The following TMEM225B variants were observed in gnomAD, a reference collection of about 807,000 sequenced individuals.
TMEM225B encodes the protein transmembrane protein 225-like.
A neutral mutation model predicts 16.9 loss-of-function variants in TMEM225B; 10 were observed. The observed-to-expected ratio is 0.59, with a 90% confidence interval of 0.36 to 1.00. TMEM225B has a LOEUF of 1.00. Among genes scored for constraint, TMEM225B ranks in the 50% least tolerant of loss-of-function variants. TMEM225B has a pLI of 0.01. For missense variants in TMEM225B, 217 were observed against 267.0 expected, an observed-to-expected ratio of 0.81 and a Z score of 1.30; for synonymous variants, 92 against 109.8, an observed-to-expected ratio of 0.84 and a Z score of 1.01.
chr7:99,609,776 C>T (rs2048041042), intron 5 of TMEM225B, among the ~76,000 whole-genome samples: 1 of 152,106 alleles, frequency 6.6e-6, no homozygotes, highest in South Asian at 2.1e-4. Flanking sequence ...GCTCTGTCGC[C>T]CAGGCTGGAG....
At chr7:99,606,644 G>A in intron 3 of TMEM225B, 104 bp from the exon 4 acceptor site, 1 of 1,040,298 alleles carries the variant, frequency 9.6e-7, no homozygotes, top group Non-Finnish European at 1.4e-6. Flanking sequence ...TGGGATCTAA[G>A]GGTGGTGGAG....
At chr7:99,603,324 C>G (rs1805511581) in intron 2 of TMEM225B, among the ~76,000 whole-genome samples, 2 of 152,126 alleles carry the variant, frequency 1.3e-5, no homozygotes, top group African/African-American at 4.8e-5. Context: ...GTCTGAAATC[C>G]CAAAAGGAAG....
Position 99,610,974 on chromosome 7 carries a change from CA to C in TMEM225B, c.*410del, listed in dbSNP as rs1402024035. Among the ~76,000 whole-genome samples, 2 of 152,160 alleles carry C rather than the reference CA, an allele frequency of 1.3e-5. No individual in the cohort carries two copies. The highest frequency in any genetic ancestry group is 2.4e-5 in the African/African-American group (1 of 41,502). On this transcript the variant is annotated 3_prime_UTR_variant, in exon 6 of 6. Transcript: ENST00000431679. ...ATGACAACTATTTGGGCTGGTGGCA[CA>C]GGGGTAAAAGAATTTACCAAGACGG...
chr7:99,609,230 TAG>T (rs1806128673), intron 5 of TMEM225B, among the ~76,000 whole-genome samples: 1 of 152,244 alleles, frequency 6.6e-6, no homozygotes, highest in African/African-American at 2.4e-5. Flanking sequence ...CTTCACCAAA[TAG>T]AGTTACAATA....
At position 99,607,001 on chromosome 7, in the gene TMEM225B, T is replaced by C. The variant is rs1805873178; in HGVS notation, c.355+107T>C. The C allele has an allele frequency of 4.6e-6, 6 of 1,295,790 alleles. No homozygotes were observed. In the East Asian group the frequency reaches 7.6e-5, roughly 16 times the overall value. 80.3% of individuals were successfully genotyped at this position (1,295,790 alleles called of 1,614,324 possible). On this transcript the variant is annotated intron_variant, in intron 4 of 5. Coordinates refer to ENST00000431679, the MANE Select transcript of TMEM225B (RefSeq NM_001195541.3). ...ATGTCAAAAGAGGCATAATTTTTCT[T>C]TTTAGGGACAGGGTCTCACTCTGTT...
chr7:99,600,610 G>A (rs1805278130), intron 2 of TMEM225B, among the ~76,000 whole-genome samples: 1 of 152,160 alleles, frequency 6.6e-6, no homozygotes, highest in Non-Finnish European at 1.5e-5. Flanking sequence ...GCTTGAGCAG[G>A]GGAACTTCCA....
At chr7:99,608,858 T>TATATATATATATATATATATATATATAC (rs536627768) in intron 5 of TMEM225B, among the ~76,000 whole-genome samples, 6 of 144,434 alleles carry the variant, frequency 4.2e-5, no homozygotes, top group South Asian at 2.1e-4. Flanking sequence ...TATATATATA[T>TATATATATATATATATATATATATATAC]ACACACACAC....
chr7:99,604,954 C>T (rs770728367), intron 3 of TMEM225B, among the ~76,000 whole-genome samples: 2 of 151,944 alleles, frequency 1.3e-5, no homozygotes, highest in Non-Finnish European at 2.9e-5. Context: ...TGTGATCATG[C>T]CACTGCATTC....
In TMEM225B at chr7:99,607,746, G is replaced by A. The variant is rs1423754362; in HGVS notation, c.429G>A (p.Leu143=). 1 of 1,536,128 alleles carries A rather than the reference G, an allele frequency of 6.5e-7. No homozygotes were observed. The highest frequency in any genetic ancestry group is 8.7e-7 in the Non-Finnish European group (1 of 1,146,916). Residue 143 remains leucine, a synonymous_variant, in exon 5 of 6, where the codon CTG becomes CTA. Transcript: ENST00000431679. ...CTCTGAGGATGAAGCTCGGCCCCCT[G>A]CAGTTCTCCGTGCTGTGGCCTTACT... is the stretch of plus-strand genomic sequence containing the variant. The part of the protein sequence containing the change: ...IKALRMKLGP[L]QFSVLWPYYV...
intron 2 of TMEM225B, among the ~76,000 whole-genome samples, chr7:99,600,826 G>A (rs1805297151): frequency 6.6e-6 from 1 of 152,124 alleles, no homozygotes. Flanking sequence ...TGACGGTGAT[G>A]TTCCAGGTGT....
At chr7:99,599,374 AG>A (rs1478363316) in intron 1 of TMEM225B, among the ~76,000 whole-genome samples, 1 of 151,976 alleles carries the variant, frequency 6.6e-6, no homozygotes, top group Non-Finnish European at 1.5e-5. Flanking sequence ...ACTTGAGCCC[AG>A]GGGTTGCCTG....
At chr7:99,599,125 A>ATTTTTTTTTT (rs769617190) in intron 1 of TMEM225B, among the ~76,000 whole-genome samples, 688 of 115,472 alleles carry the variant, frequency 6.0e-3, no homozygotes, top group African/African-American at 0.01. Context: ...CGCCTGGCTA[A>ATTTTTTTTTT]TTTTTTTTTT....
At chr7:99,599,046 G>A (rs1291125857) in intron 1 of TMEM225B, among the ~76,000 whole-genome samples, 1 of 151,978 alleles carries the variant, frequency 6.6e-6, no homozygotes, top group African/African-American at 2.4e-5. Context: ...TGCAAGCTCC[G>A]CCTCCCGGGT....
chr7:99,607,605 G>T, intron 4 of TMEM225B, 68 bp from the exon 5 acceptor site: 1 of 1,460,420 alleles, frequency 6.8e-7, no homozygotes, highest in Non-Finnish European at 9.1e-7. Flanking sequence ...GAGCCACAGG[G>T]GGTGAAGTTT....
intron 1 of TMEM225B, among the ~76,000 whole-genome samples, chr7:99,599,125 ATTT>A (rs769617190): frequency 2.7e-4 from 31 of 115,500 alleles, no homozygotes; most frequent in African/African-American, 9.7e-4. Context: ...CGCCTGGCTA[ATTT>A]TTTTTTTTTT....
chr7:99,602,738 G>A (rs527374145), intron 2 of TMEM225B, among the ~76,000 whole-genome samples: 2 of 152,234 alleles, frequency 1.3e-5, no homozygotes, highest in African/African-American at 4.8e-5. Context: ...TCAGAGACAA[G>A]GTCTTGCTTT....
chr7:99,605,139 C>A (rs1381214206), intron 3 of TMEM225B, among the ~76,000 whole-genome samples: 2 of 152,242 alleles, frequency 1.3e-5, no homozygotes, highest in Non-Finnish European at 2.9e-5. Context: ...AGCTGCCCAC[C>A]TCTGCCAGCT....
rs149045889 is a variant in TMEM225B at position 99,603,490 on chromosome 7, G to T, written c.-3-896G>T. 4.7e-3 allele frequency among the ~76,000 whole-genome samples: 718 copies of T among 152,196 alleles called. 4 individuals are homozygous for T. The highest frequency in any genetic ancestry group is 0.016 in the African/African-American group (665 of 41,548). ...GTGGATCACCTGAGGTCAGGAGTTC[G>T]AGACCAGCCTGGCCAACATGGTGAA... On this transcript the variant is annotated intron_variant, in intron 2 of 5. Coordinates refer to ENST00000431679, the MANE Select transcript of TMEM225B (RefSeq NM_001195541.3).
At chr7:99,606,261 C>G (rs1463750613) in intron 3 of TMEM225B, among the ~76,000 whole-genome samples, 2 of 152,174 alleles carry the variant, frequency 1.3e-5, no homozygotes, top group Admixed American at 1.3e-4. Flanking sequence ...TGCCACTGCA[C>G]TCTAGCTTGG....
Sources: allele counts gnomAD v4.1 joint callset (sites outside exome capture counted in the v4.1 genomes callset), GRCh38; gene constraint gnomAD v4.1.1; transcripts MANE v1.5; gene names NCBI Gene and HGNC (gene_info 2026-07-23, HGNC 2026-07-21).